The following NSMCE2 variants were observed in gnomAD, a reference collection of about 807,000 sequenced individuals.
NSMCE2 encodes E3 SUMO-protein ligase NSE2.
A neutral mutation model predicts 23.8 loss-of-function variants in NSMCE2; 24 were observed. The observed-to-expected ratio is 1.01, with a 90% CI of 0.73 to 1.42. The LOEUF is 1.42. Ranked by LOEUF, NSMCE2 falls within the 40% of genes most tolerant of loss-of-function variation. NSMCE2 has a pLI of 0.00. For synonymous variants in NSMCE2, 92 were observed against 94.1 expected (o/e 0.98, Z 0.13); for missense variants, 284 against 296.5 (o/e 0.96, Z 0.31).
At chr8:125,201,086 T>G (rs985111644) in intron 5 of NSMCE2, among the ~76,000 whole-genome samples, 1 of 152,152 alleles carries the variant, frequency 6.6e-6, no homozygotes, top group Admixed American at 6.5e-5. Context: ...TTTTTCAAGT[T>G]TTTTAGCTTC....
chr8:125,273,665 A>G (rs1047108993), intron 5 of NSMCE2, among the ~76,000 whole-genome samples: 1 of 152,224 alleles, frequency 6.6e-6, no homozygotes, highest in Admixed American at 6.5e-5. Context: ...ATACTACACT[A>G]TGATAACGAT....
intron 5 of NSMCE2, among the ~76,000 whole-genome samples, chr8:125,341,685 C>T (rs74841365): frequency 0.011 from 1,717 of 152,084 alleles, 39 homozygotes; most frequent in African/African-American, 0.038. Context: ...GACACCTATC[C>T]CCCAATTTAT....
chr8:125,259,543 G>T (rs1826593996), intron 5 of NSMCE2, among the ~76,000 whole-genome samples: 1 of 152,054 alleles, frequency 6.6e-6, no homozygotes, highest in African/African-American at 2.4e-5. Flanking sequence ...ACCCCAGTCT[G>T]TGACAAATTG....
At chr8:125,161,549 G>C (rs1173026801) in intron 4 of NSMCE2, among the ~76,000 whole-genome samples, 1 of 152,094 alleles carries the variant, frequency 6.6e-6, no homozygotes, top group Non-Finnish European at 1.5e-5. Context: ...TGTAATTCCA[G>C]CACTTTGGGA....
chr8:125,092,626 C>T (rs1817721694), intron 1 of NSMCE2, among the ~76,000 whole-genome samples: 4 of 152,150 alleles, frequency 2.6e-5, no homozygotes, highest in South Asian at 4.1e-4. Flanking sequence ...AGGGATTATC[C>T]TTGCATGTTG....
At chr8:125,147,998 G>C (rs780499944) in intron 3 of NSMCE2, among the ~76,000 whole-genome samples, 1 of 152,136 alleles carries the variant, frequency 6.6e-6, no homozygotes, top group African/African-American at 2.4e-5. Flanking sequence ...CCCTGCTACA[G>C]CTGACCAAGA....
At chr8:125,354,294 G>A (rs968698875) in intron 5 of NSMCE2, among the ~76,000 whole-genome samples, 3 of 152,164 alleles carry the variant, frequency 2.0e-5, no homozygotes, top group Non-Finnish European at 4.4e-5. Flanking sequence ...TTGGCTACCA[G>A]TAACTGATTT....
intron 5 of NSMCE2, among the ~76,000 whole-genome samples, chr8:125,252,875 G>T (rs568947941): frequency 5.9e-5 from 9 of 152,364 alleles, no homozygotes; most frequent in African/African-American, 2.2e-4. Flanking sequence ...AAGAGCCAAG[G>T]TTATTTAAAG....
chr8:125,228,070 TA>T (rs1266806527), intron 5 of NSMCE2, among the ~76,000 whole-genome samples: 11 of 152,318 alleles, frequency 7.2e-5, no homozygotes, highest in Non-Finnish European at 1.5e-4. Flanking sequence ...GTTTGATAGT[TA>T]AAAAATAGTA....
intron 7 of NSMCE2, among the ~76,000 whole-genome samples, chr8:125,359,184 A>T (rs965461468): frequency 6.7e-6 from 1 of 148,674 alleles, no homozygotes; most frequent in African/African-American, 2.5e-5. Flanking sequence ...GGAGAATGGC[A>T]TGAACCCGGG....
intron 4 of NSMCE2, among the ~76,000 whole-genome samples, chr8:125,170,628 G>T (rs536913716): frequency 6.6e-6 from 1 of 151,944 alleles, no homozygotes; most frequent in African/African-American, 2.4e-5. Flanking sequence ...GGCTGGTCTC[G>T]AACTCCTGAC....
chr8:125,278,439 C>A (rs548695712), intron 5 of NSMCE2, among the ~76,000 whole-genome samples: 2 of 152,288 alleles, frequency 1.3e-5, no homozygotes, highest in East Asian at 3.9e-4. Context: ...GCAGAGGAAG[C>A]GAAGGCAAGC....
At chr8:125,215,494 A>G (rs963324781) in intron 5 of NSMCE2, among the ~76,000 whole-genome samples, 14 of 152,160 alleles carry the variant, frequency 9.2e-5, no homozygotes, top group African/African-American at 2.9e-4. Context: ...TAATGCTGCA[A>G]TAAACATACG....
chr8:125,239,806 C>T lies in NSMCE2; in HGVS notation c.418+57550C>T, dbSNP rs75161487. ...TTTTTCAGAACTTACATACATTTTA[C>T]CAAAGTGCATGAGATAGTATCAAGA... is the stretch of plus-strand genomic sequence containing the variant. On this transcript the variant is annotated intron_variant, in intron 5 of 7. Transcript: ENST00000287437. 1.8e-3 allele frequency among the ~76,000 whole-genome samples: 269 copies of T among 152,196 alleles called. 4 individuals are homozygous for T. Among genetic ancestry groups the T allele is most frequent in the African/African-American group, 6.0e-3 (251 of 41,502 alleles).
chr8:125,311,826 C>G (rs1828981980), intron 5 of NSMCE2, among the ~76,000 whole-genome samples: 1 of 151,946 alleles, frequency 6.6e-6, no homozygotes, highest in Non-Finnish European at 1.5e-5. Context: ...CGCCTGTAAT[C>G]CCAGCACTTT....
intron 5 of NSMCE2, among the ~76,000 whole-genome samples, chr8:125,316,923 C>T (rs544357984): frequency 2.6e-4 from 40 of 151,980 alleles, no homozygotes; most frequent in Non-Finnish European, 4.0e-4. Flanking sequence ...GCACTATAGG[C>T]GTGTGCCACC....
intron 3 of NSMCE2, among the ~76,000 whole-genome samples, chr8:125,107,124 A>G (rs1038589078): frequency 2.6e-5 from 4 of 152,010 alleles, no homozygotes; most frequent in Non-Finnish European, 4.4e-5. Flanking sequence ...TCAGATACCC[A>G]AACCTGAATA....
chr8:125,112,167 G>A (rs1476573986), intron 3 of NSMCE2, among the ~76,000 whole-genome samples: 1 of 152,122 alleles, frequency 6.6e-6, no homozygotes, highest in Non-Finnish European at 1.5e-5. Context: ...CAGCAAAATA[G>A]CATTATAACT....
intron 5 of NSMCE2, among the ~76,000 whole-genome samples, chr8:125,199,823 A>G (rs997152201): frequency 1.6e-4 from 24 of 152,178 alleles, no homozygotes; most frequent in African/African-American, 5.1e-4. Context: ...GTCTCTTTGT[A>G]GATCTCTAAG....
Sources: allele counts gnomAD v4.1 joint callset (sites outside exome capture counted in the v4.1 genomes callset), GRCh38; gene constraint gnomAD v4.1.1; transcripts MANE v1.5; gene names NCBI Gene and HGNC (gene_info 2026-07-23, HGNC 2026-07-21).